The following MINDY3 variants were observed in gnomAD, a reference collection of about 807,000 sequenced individuals.
The protein encoded by MINDY3 is MINDY lysine 48 deubiquitinase 3.
Under a neutral mutation model 69.2 loss-of-function variants are expected in MINDY3, and 38 were observed. The ratio of observed to expected loss-of-function variants is 0.55; its 90% CI spans 0.42 to 0.72. The LOEUF is 0.72. MINDY3 is among the 30% of genes least tolerant of loss of function. The probability of loss-of-function intolerance (pLI) is 0.00; values close to 1 mark genes in which losing one functional copy is unlikely to be tolerated. For missense variants in MINDY3, 522 were observed against 519.0 expected (o/e 1.01, Z -0.06); for synonymous variants, 192 against 180.1 (o/e 1.07, Z -0.53).
At chr10:15,810,994 T>C (rs1162661788) in intron 10 of MINDY3, among the ~76,000 whole-genome samples, 1 of 152,140 alleles carries the variant, frequency 6.6e-6, no homozygotes, top group Non-Finnish European at 1.5e-5. Flanking sequence ...AATTACCACT[T>C]AACACCCACT....
intron 5 of MINDY3, 154 bp downstream of exon 5, chr10:15,838,074 T>A: frequency 1.0e-6 from 1 of 983,976 alleles, no homozygotes; most frequent in Non-Finnish European, 1.2e-6. Context: ...CTATTTTAAT[T>A]TAAAGGCAAA....
intron 4 of MINDY3, among the ~76,000 whole-genome samples, chr10:15,840,608 A>C (rs554873105): frequency 2.6e-5 from 4 of 151,798 alleles, no homozygotes; most frequent in Admixed American, 1.3e-4. Flanking sequence ...TTCCACAAAG[A>C]TGATAGTTAA....
At chr10:15,789,070 T>TC (rs1837210646) in intron 12 of MINDY3, 177 bp downstream of exon 12, 2 of 427,926 alleles carry the variant, frequency 4.7e-6, no homozygotes, top group Non-Finnish European at 8.4e-6. Flanking sequence ...TCAATTTAAG[T>TC]ATGTCAAGTC....
intron 1 of MINDY3, among the ~76,000 whole-genome samples, chr10:15,855,297 A>G (rs1834611043): frequency 6.6e-6 from 1 of 152,124 alleles, no homozygotes; most frequent in South Asian, 2.1e-4. Context: ...AAAATTAAGT[A>G]TTCTATCCTA....
At chr10:15,847,251 T>G (rs980987010) in intron 2 of MINDY3, among the ~76,000 whole-genome samples, 2 of 152,214 alleles carry the variant, frequency 1.3e-5, no homozygotes, top group African/African-American at 4.8e-5. Context: ...AATCAGCCTT[T>G]GAAATTCAAA....
intron 8 of MINDY3, among the ~76,000 whole-genome samples, chr10:15,823,782 C>T (rs1400807328): frequency 6.6e-6 from 1 of 152,132 alleles, no homozygotes; most frequent in Non-Finnish European, 1.5e-5. Context: ...CCACTCCCCT[C>T]ATGCTTCTCC....
At chr10:15,857,623 A>G (rs1834780500) in intron 1 of MINDY3, among the ~76,000 whole-genome samples, 1 of 152,196 alleles carries the variant, frequency 6.6e-6, no homozygotes. Context: ...AAACCCTGCC[A>G]ACTTTAAGCC....
intron 11 of MINDY3, among the ~76,000 whole-genome samples, chr10:15,790,124 T>C (rs746921427): frequency 2.0e-5 from 3 of 152,058 alleles, no homozygotes; most frequent in Non-Finnish European, 2.9e-5. Context: ...AATCTTGCCA[T>C]GGAGAACAAG....
intron 9 of MINDY3, 60 bp downstream of exon 9, chr10:15,821,596 T>C (rs1839767250): frequency 7.9e-7 from 1 of 1,264,784 alleles, no homozygotes. Context: ...AACAAAACAG[T>C]ATCCACAATA....
At chr10:15,785,535 T>C (rs1315914352) in intron 13 of MINDY3, among the ~76,000 whole-genome samples, 1 of 152,192 alleles carries the variant, frequency 6.6e-6, no homozygotes, top group Admixed American at 6.5e-5. Context: ...TAATGTATTA[T>C]TAATCCAGAT....
chr10:15,857,461 C>A (rs1564539897), intron 1 of MINDY3, among the ~76,000 whole-genome samples: 1 of 152,072 alleles, frequency 6.6e-6, no homozygotes, highest in Non-Finnish European at 1.5e-5. Context: ...ACTGTAAGAG[C>A]TTGGAATACT....
intron 10 of MINDY3, 49 bp from the exon 11 acceptor site, chr10:15,796,221 T>G (rs1837814245): frequency 1.4e-6 from 2 of 1,469,714 alleles, no homozygotes; most frequent in Admixed American, 3.4e-5. Flanking sequence ...ATTATGACAT[T>G]AAAAAGAAAA....
rs554661823 is a variant in MINDY3 at position 15,842,064 on chromosome 10, G to A, written c.236-465C>T. ...GATAAGAATAATGAGATGAGAGACC[G>A]TCAGCACATATGTTACCAAAGTCCA... On this transcript the variant is annotated intron_variant, in intron 3 of 14. Transcript: ENST00000277632. Among the ~76,000 whole-genome samples, 15 of 151,780 alleles carry A rather than the reference G, an allele frequency of 9.9e-5. No individual in the cohort carries two copies. The East Asian group carries it at 2.7e-3, about 27-fold the overall frequency.
At chr10:15,852,083 C>T (rs1164789133) in intron 1 of MINDY3, among the ~76,000 whole-genome samples, 1 of 152,176 alleles carries the variant, frequency 6.6e-6, no homozygotes, top group Non-Finnish European at 1.5e-5. Flanking sequence ...TATTTCCTTA[C>T]AAACCTATCT....
chr10:15,812,947 G>A (rs1229844428), intron 10 of MINDY3, among the ~76,000 whole-genome samples: 1 of 152,040 alleles, frequency 6.6e-6, no homozygotes, highest in African/African-American at 2.4e-5. Context: ...TGAAATCCAT[G>A]CACTTTTTTC....
At chr10:15,851,227 T>C (rs1290225550) in intron 1 of MINDY3, among the ~76,000 whole-genome samples, 1 of 152,170 alleles carries the variant, frequency 6.6e-6, no homozygotes, top group Non-Finnish European at 1.5e-5. Flanking sequence ...TATGCTCCTT[T>C]CATTCTATAT....
chr10:15,792,279 G>A (rs549344595), intron 11 of MINDY3, among the ~76,000 whole-genome samples: 5 of 152,066 alleles, frequency 3.3e-5, no homozygotes, highest in South Asian at 4.2e-4. Context: ...GAGTTCTGGA[G>A]GGCAGGGAGT....
intron 1 of MINDY3, among the ~76,000 whole-genome samples, chr10:15,849,351 AG>A (rs1165610566): frequency 1.3e-5 from 2 of 152,190 alleles, no homozygotes; most frequent in Non-Finnish European, 2.9e-5. Flanking sequence ...AATGGGCGGC[AG>A]GAAAGATGAC....
rs142742350 is a variant in MINDY3 at position 15,851,098 on chromosome 10, C to T, written c.95-3155G>A. Reference sequence around the variant, plus strand: ...AAGAATCAATCTGAAATGCTGACCACAAACCTGCGAAACTTTTGTCCCTTG... The same window carrying T: ...AAGAATCAATCTGAAATGCTGACCATAAACCTGCGAAACTTTTGTCCCTTG... On this transcript the variant is annotated intron_variant, in intron 1 of 14. Transcript: ENST00000277632. Among the ~76,000 whole-genome samples, 137 of 152,326 alleles carry T rather than the reference C, an allele frequency of 9.0e-4. 1 individual carries two copies. The highest frequency in any genetic ancestry group is 3.0e-3 in the African/African-American group (126 of 41,576).
Sources: allele counts gnomAD v4.1 joint callset (sites outside exome capture counted in the v4.1 genomes callset), GRCh38; gene constraint gnomAD v4.1.1; transcripts MANE v1.5; gene names NCBI Gene and HGNC (gene_info 2026-07-23, HGNC 2026-07-21).